Variants in NLRP1 observed in about 807,000 individuals in gnomAD.
NLRP1 encodes NLR family pyrin domain containing 1, also known as NACHT, LRR and PYD domains-containing protein 1.
NLRP1 carries 94 observed loss-of-function variants against 136.7 expected under a neutral mutation model. That is an observed-to-expected ratio of 0.69 (90% confidence interval 0.58 to 0.82). The LOEUF (loss-of-function observed/expected upper bound fraction) is 0.82. Ranked by LOEUF, NLRP1 falls within the 40% of genes least tolerant of loss-of-function variation. The pLI, the probability that NLRP1 is intolerant of heterozygous loss-of-function variation, is 0.00. For missense variants in NLRP1, 1,575 were observed against 1,802.7 expected (o/e 0.87, Z 2.29); for synonymous variants, 690 against 725.1 (o/e 0.95, Z 0.78).
At chr17:5,547,180 GTACATAGCATACATGACCCTAAA>G (rs1223015342) in intron 5 of NLRP1, among the ~76,000 whole-genome samples, 1 of 152,052 alleles carries the variant, frequency 6.6e-6, no homozygotes, top group South Asian at 2.1e-4. Flanking sequence ...ATGGTCCTAA[GTACATAGCATACATGACCCTAAA>G]TACATAGCAT....
chr17:5,575,492 G>C (rs1201951605), intron 3 of NLRP1, among the ~76,000 whole-genome samples: 3 of 152,118 alleles, frequency 2.0e-5, no homozygotes, highest in African/African-American at 7.2e-5. Context: ...TGATAAAACA[G>C]ACTTTAAACC....
At chr17:5,501,544 G>A (rs1907084380) in exon 16 of NLRP1, 1 of 363,418 alleles carries the variant, frequency 2.8e-6, no homozygotes, top group Non-Finnish European at 5.2e-6. Flanking sequence ...TACAGCTCAA[G>A]AATTGGTGCA....
At chr17:5,577,346 C>T (rs138142000) in intron 3 of NLRP1, among the ~76,000 whole-genome samples, 2,707 of 152,230 alleles carry the variant, frequency 0.018, 74 homozygotes, top group African/African-American at 0.062. Context: ...GATGACATGA[C>T]TGAATATTTA....
At chr17:5,515,111 C>T (rs1349386824) in intron 16 of NLRP1, 38 bp from the exon 17 acceptor site, 1 of 1,570,854 alleles carries the variant, frequency 6.4e-7, no homozygotes, top group Non-Finnish European at 8.7e-7. Context: ...CCACAGCCTC[C>T]ACCTCCAATC....
rs930065282 is a variant in NLRP1 at position 5,580,327 on chromosome 17, A to G, written c.652+1532T>C. 3.9e-5 allele frequency among the ~76,000 whole-genome samples: 6 copies of G among 152,290 alleles called. No individual in the cohort carries two copies. In the East Asian group the frequency reaches 1.2e-3, roughly 29 times the overall value. On this transcript the variant is annotated intron_variant, in intron 3 of 16. Coordinates refer to ENST00000572272, the MANE Select transcript of NLRP1 (RefSeq NM_033004.4). ...CAACCTAACAGGTACCATGCTTATT[A>G]CCTGGGCGACAAGATAATCTGTACA...
At chr17:5,513,515 T>TACA (rs1742391526), downstream of NLRP1, among the ~76,000 whole-genome samples, 2 of 152,242 alleles carry the variant, frequency 1.3e-5, no homozygotes, top group South Asian at 4.1e-4. Context: ...TCTTCCAGGC[T>TACA]ACAACAGTTT....
intron 5 of NLRP1, among the ~76,000 whole-genome samples, chr17:5,545,541 C>CAG (rs1205805196): frequency 6.7e-6 from 1 of 149,768 alleles, no homozygotes; most frequent in Non-Finnish European, 1.5e-5. Flanking sequence ...CACAGACACA[C>CAG]ACACAGACAC....
chr17:5,530,367 C>G (rs902806401), intron 12 of NLRP1, 114 bp downstream of exon 12: 12 of 860,056 alleles, frequency 1.4e-5, no homozygotes, highest in South Asian at 1.6e-5. Context: ...CATAACCCCC[C>G]CTCGGCCCCT....
chr17:5,521,213 G>C (rs1399962634), intron 13 of NLRP1, among the ~76,000 whole-genome samples: 2 of 152,214 alleles, frequency 1.3e-5, no homozygotes, highest in Non-Finnish European at 2.9e-5. Flanking sequence ...GTTATTGTTA[G>C]GGAAGTTAGA....
chr17:5,552,879 G>T (rs1001719286), intron 5 of NLRP1, among the ~76,000 whole-genome samples: 4 of 152,104 alleles, frequency 2.6e-5, no homozygotes, highest in Non-Finnish European at 4.4e-5. Flanking sequence ...TTTTCATGTT[G>T]CAGCCAGTTT....
chr17:5,556,111 TCTCTACACACAC>T (rs1914029867), intron 4 of NLRP1, among the ~76,000 whole-genome samples: 2 of 131,334 alleles, frequency 1.5e-5, no homozygotes, highest in African/African-American at 5.8e-5. Flanking sequence ...TCTGTCTCTC[TCTCTACACACAC>T]ACACACACAC....
chr17:5,515,550 A>C lies in NLRP1; in HGVS notation c.4058-33T>G, dbSNP rs1427772391. On this transcript the variant is annotated intron_variant, in intron 15 of 16. Coordinates refer to ENST00000572272, the MANE Select transcript of NLRP1 (RefSeq NM_033004.4). ...AAAACAGAGATGAAGATGCATCTGAAACAGTGCTAAGTTATTAACACACAT... is the reference window on the plus strand; with the variant it reads ...AAAACAGAGATGAAGATGCATCTGACACAGTGCTAAGTTATTAACACACAT... The C allele has an allele frequency of 1.9e-6, 3 of 1,552,168 alleles. No individual in the cohort carries two copies. In the South Asian group the frequency reaches 3.3e-5, roughly 17 times the overall value.
chr17:5,559,653 T>C lies in NLRP1; in HGVS notation c.1043A>G (p.Lys348Arg), dbSNP rs745695683. ...CAGCTGGCCTCTCCCCCAGGCTTCC[T>C]TCACCTGCCTGGCCAGTGTTGACTT... ...IGKSTLARQV[K>R]EAWGRGQLYG... is the part of the protein sequence containing the mutation. The change falls in exon 4 of 17, where the codon AAG becomes AGG. Residue 348 changes from lysine (K) to arginine (R), a missense_variant. Coordinates refer to ENST00000572272, the MANE Select transcript of NLRP1 (RefSeq NM_033004.4). 6.2e-7 allele frequency: 1 copy of C among 1,614,234 alleles called. No individual in the cohort carries two copies. Among genetic ancestry groups the C allele is most frequent in the Non-Finnish European group, 8.5e-7 (1 of 1,180,030 alleles).
At chr17:5,581,203 C>A (rs1269569288) in intron 3 of NLRP1, among the ~76,000 whole-genome samples, 1 of 152,202 alleles carries the variant, frequency 6.6e-6, no homozygotes, top group Non-Finnish European at 1.5e-5. Context: ...GCATCAGGAG[C>A]CTCTGTACCT....
intron 3 of NLRP1, among the ~76,000 whole-genome samples, chr17:5,581,592 G>A (rs1905650097): frequency 1.3e-5 from 2 of 152,186 alleles, no homozygotes; most frequent in Non-Finnish European, 1.5e-5. Flanking sequence ...ACCAGGTGAT[G>A]TGTAACCCCA....
Position 5,558,368 on chromosome 17 carries a change from T to A in NLRP1, c.2328A>T (p.Arg776Ser). ...KLQLIEGRQH[R>S]STWSPTMVVL... is the part of the protein sequence containing the mutation. ...CTACCATGGTGGGGCTCCATGTTGA[T>A]CTGTGCTGCCTGCCCTCAATCAGCT... Residue 776 changes from arginine (R) to serine (S), a missense_variant, in exon 4 of 17, where the codon AGA (arginine) becomes AGT (serine). Physicochemically the swap from Arg to Ser is moderately radical, Grantham distance 110 (BLOSUM62 -1). Coordinates refer to ENST00000572272, the MANE Select transcript of NLRP1 (RefSeq NM_033004.4). The A allele has an allele frequency of 6.2e-7, 1 of 1,612,030 alleles. No homozygotes were observed. Among genetic ancestry groups the A allele is most frequent in the Non-Finnish European group, 8.5e-7 (1 of 1,179,062 alleles).
At chr17:5,531,721 T>C (rs1910294657) in intron 11 of NLRP1, among the ~76,000 whole-genome samples, 1 of 152,114 alleles carries the variant, frequency 6.6e-6, no homozygotes, top group Admixed American at 6.6e-5. Flanking sequence ...TAACATGTTA[T>C]ATAAGAGATC....
In NLRP1 at chr17:5,514,916, G is replaced by T. The variant is rs201878224; in HGVS notation, c.4260C>A (p.Asn1420Lys). ...QEQYERVLAE[N>K]TRPSQMRKLF... ...GCTTCCGCATCTGGCTGGGCCTCGT[G>T]TTCTCAGCCAGCACCCTCTCGTACT... The change falls in exon 17 of 17, where the codon AAC becomes AAA. Residue 1420 changes from asparagine (N) to lysine (K), a missense_variant. Asn to Lys is a moderately conservative substitution (Grantham distance 94, BLOSUM62 0). Transcript: ENST00000572272. 1.1e-4 allele frequency: 176 copies of T among 1,614,056 alleles called. No individual in the cohort carries two copies. The highest frequency in any genetic ancestry group is 1.4e-4 in the Non-Finnish European group (171 of 1,180,032).
At chr17:5,572,405 C>T (rs1016523041) in intron 3 of NLRP1, among the ~76,000 whole-genome samples, 1 of 151,974 alleles carries the variant, frequency 6.6e-6, no homozygotes, top group Non-Finnish European at 1.5e-5. Flanking sequence ...ATTAATAAGC[C>T]AAAAACAATC....
Sources: gnomAD v4.1 joint callset for allele counts (sites outside exome capture counted in the v4.1 genomes callset) on GRCh38, gnomAD v4.1.1 for gene constraint, MANE v1.5 for transcripts, NCBI Gene and HGNC (gene_info 2026-07-23, HGNC 2026-07-21) for gene names.